Variants in TMEM141 observed in about 807,000 individuals in gnomAD.
TMEM141 encodes transmembrane protein 141.
Under a neutral mutation model 15.9 loss-of-function variants are expected in TMEM141, and 18 were observed. The ratio of observed to expected loss-of-function variants is 1.13; its 90% CI spans 0.78 to 1.68. TMEM141 has a LOEUF of 1.68. Ranked by LOEUF, TMEM141 falls within the 40% of genes most tolerant of loss-of-function variation. TMEM141 has a pLI of 0.00. For synonymous variants in TMEM141, 69 were observed against 54.0 expected, an observed-to-expected ratio of 1.28 and a Z score of -1.22; for missense variants, 161 against 139.5, an observed-to-expected ratio of 1.15 and a Z score of -0.78.
intron 3 of TMEM141, 99 bp downstream of exon 3, chr9:136,792,129 A>T: frequency 6.5e-7 from 1 of 1,542,110 alleles, no homozygotes; most frequent in Non-Finnish European, 8.8e-7. Context: ...ATGGAGCCCC[A>T]GGTCTCGGCG....
rs1273851090 is a variant in TMEM141, at chr9:136,791,710, G to C, written c.55-1G>C. 3.1e-6 allele frequency: 5 copies of C among 1,613,072 alleles called. No homozygotes were observed. The highest frequency in any genetic ancestry group is 1.7e-4 in the Middle Eastern group (1 of 6,058). ...GCCTTCACCCGCCTCTGCCACCCCA[G>C]GGACTCGGGGAGTATGCCGCATGCC... On this transcript the variant is annotated splice_acceptor_variant, in intron 1 of 4. Coordinates refer to ENST00000290079, the MANE Select transcript of TMEM141 (RefSeq NM_032928.4). LOFTEE classifies it high-confidence loss of function.
At chr9:136,791,801 C>A (rs1564344950) in intron 2 of TMEM141, 24 bp downstream of exon 2, 1 of 1,611,076 alleles carries the variant, frequency 6.2e-7, no homozygotes, top group Non-Finnish European at 8.5e-7. Flanking sequence ...AGGTGTCCTG[C>A]GGCTGGGAGA....
chr9:136,791,803 G>T, intron 2 of TMEM141, 26 bp downstream of exon 2: 1 of 1,611,222 alleles, frequency 6.2e-7, no homozygotes, highest in Non-Finnish European at 8.5e-7. Context: ...GTGTCCTGCG[G>T]CTGGGAGAGA....
chr9:136,792,310 C>T lies in TMEM141; in HGVS notation c.265C>T (p.Leu89Phe). Reference sequence around the variant, plus strand: ...AGTGGAGTCGGAGAAATGCAACAACCTCTGGCTCTTCCTGGAGACCGGGCA... The same window carrying T: ...AGTGGAGTCGGAGAAATGCAACAACTTCTGGCTCTTCCTGGAGACCGGGCA... ...TRVESEKCNN[L>F]WLFLETGQLP... The change falls in exon 4 of 5, where the codon CTC becomes TTC. Residue 89 changes from leucine (L) to phenylalanine (F), a missense_variant. Leu to Phe is a conservative substitution (Grantham distance 22). Coordinates refer to ENST00000290079, the MANE Select transcript of TMEM141 (RefSeq NM_032928.4). The T allele has an allele frequency of 1.3e-6, 2 of 1,589,966 alleles. No individual in the cohort carries two copies. Among genetic ancestry groups the T allele is most frequent in the African/African-American group, 1.3e-5 (1 of 74,530 alleles).
chr9:136,791,913 G>A, intron 2 of TMEM141, 34 bp from the exon 3 acceptor site: 1 of 1,613,906 alleles, frequency 6.2e-7, no homozygotes, highest in Middle Eastern at 1.7e-4. Context: ...GCTATCCCCG[G>A]GTACAGGTTG....
chr9:136,791,347 C>T lies in TMEM141; in HGVS notation c.-24C>T. The T allele has an allele frequency of 6.4e-7, 1 of 1,552,598 alleles. No individual in the cohort carries two copies. Among genetic ancestry groups the T allele is most frequent in the Non-Finnish European group, 8.7e-7 (1 of 1,148,382 alleles). ...GCCCTTCCGCCTGCGCCTGCGCAGG[C>T]CCGCTCCCCGAGCCCTGCCAACCAT... On this transcript the variant is annotated 5_prime_UTR_variant, in exon 1 of 5. Transcript: ENST00000290079.
In TMEM141 at chr9:136,791,349, C is replaced by T. The variant is rs533591493; in HGVS notation, c.-22C>T. On this transcript the variant is annotated 5_prime_UTR_variant, in exon 1 of 5. Transcript: ENST00000290079. The stretch of plus-strand genomic sequence containing the variant: ...CCTTCCGCCTGCGCCTGCGCAGGCC[C>T]GCTCCCCGAGCCCTGCCAACCATGG... 1.9e-6 allele frequency: 3 copies of T among 1,553,458 alleles called. No individual in the cohort carries two copies. The highest frequency in any genetic ancestry group is 2.6e-6 in the Non-Finnish European group (3 of 1,148,812).
intron 1 of TMEM141, 61 bp downstream of exon 1, chr9:136,791,485 G>C: frequency 1.3e-6 from 2 of 1,548,540 alleles, no homozygotes; most frequent in Non-Finnish European, 1.7e-6. Context: ...AGCGAGGCGG[G>C]GGGCCGGGGC....
chr9:136,793,017 C>A lies in TMEM141; in HGVS notation c.*185C>A. On this transcript the variant is annotated 3_prime_UTR_variant, in exon 5 of 5. Transcript: ENST00000290079. The stretch of plus-strand genomic sequence containing the variant: ...GCTGCTGCCCCAACCTGGGACCTGC[C>A]CAGGAGGTTGGAGCAGAAAGGGCTC... 1 of 755,258 alleles carries A rather than the reference C, an allele frequency of 1.3e-6. No homozygotes were observed. Among genetic ancestry groups the A allele is most frequent in the Non-Finnish European group, 1.8e-6 (1 of 566,128 alleles). The allele number at this position is 755,258 out of a possible 1,614,324, so 46.8% of individuals were successfully genotyped here.
chr9:136,791,658 C>T (rs1451375672), intron 1 of TMEM141, 53 bp from the exon 2 acceptor site: 2 of 1,600,126 alleles, frequency 1.2e-6, no homozygotes, highest in Non-Finnish European at 1.7e-6. Flanking sequence ...ACAGGAGAGG[C>T]GGTGAAGGAA....
Position 136,791,356 on chromosome 9 carries a change from CG to C in TMEM141, c.-14del, listed in dbSNP as rs1214232356. 3 of 1,555,468 alleles carry C rather than the reference CG, an allele frequency of 1.9e-6. No homozygotes were observed. The highest frequency in any genetic ancestry group is 2.6e-6 in the Non-Finnish European group (3 of 1,149,892). On this transcript the variant is annotated 5_prime_UTR_variant, in exon 1 of 5. Coordinates refer to ENST00000290079, the MANE Select transcript of TMEM141 (RefSeq NM_032928.4). ...CCTGCGCCTGCGCAGGCCCGCTCCC[CG>C]AGCCCTGCCAACCATGGTGAACTTG...
At chr9:136,792,450 G>T in intron 4 of TMEM141, 92 bp downstream of exon 4, 1 of 1,057,274 alleles carries the variant, frequency 9.5e-7, no homozygotes, top group Non-Finnish European at 1.4e-6. Context: ...CATGCGATAG[G>T]CTAGACAAGG....
At position 136,791,407 on chromosome 9, in the gene TMEM141, G is replaced by T; in HGVS notation, c.37G>T (p.Val13Leu). The change falls in exon 1 of 5, where the codon GTG becomes TTG. Residue 13 changes from valine to leucine, a missense_variant. Physicochemically the swap from Val to Leu is conservative, Grantham distance 32. Transcript: ENST00000290079. ...GGGTCTGTCCCGGGTGGACGACGCC[G>T]TGGCTGCCAAGCACCCGGTGAGAAG... is the stretch of plus-strand genomic sequence containing the variant. ...NLGLSRVDDAVAAKHPGLGEY... is the reference protein window; with the variant it reads ...NLGLSRVDDALAAKHPGLGEY... 6.4e-7 allele frequency: 1 copy of T among 1,559,638 alleles called. No individual in the cohort carries two copies. The highest frequency in any genetic ancestry group is 1.4e-5 in the African/African-American group (1 of 73,562).
At position 136,792,957 on chromosome 9, in the gene TMEM141, C is replaced by A; in HGVS notation, c.*125C>A. The A allele has an allele frequency of 3.2e-6, 4 of 1,267,580 alleles. No homozygotes were observed. Among genetic ancestry groups the A allele is most frequent in the Non-Finnish European group, 4.0e-6 (4 of 991,376 alleles). The allele number at this position is 1,267,580 out of a possible 1,614,324, so 78.5% of individuals were successfully genotyped here. ...GTACCCCAGTCGTATCCTCTGTCCG[C>A]ATGTGTGGCCAGGCCTGACAAACAC... On this transcript the variant is annotated 3_prime_UTR_variant, in exon 5 of 5. Transcript: ENST00000290079.
chr9:136,792,456 C>T, intron 4 of TMEM141, 98 bp downstream of exon 4: 3 of 1,006,258 alleles, frequency 3.0e-6, no homozygotes, highest in Non-Finnish European at 4.5e-6. Flanking sequence ...ATAGGCTAGA[C>T]AAGGTCCCTC....
Position 136,791,752 on chromosome 9 carries a change from G to A in TMEM141, c.96G>A (p.Met32Ile). 6.2e-7 allele frequency: 1 copy of A among 1,613,612 alleles called. No individual in the cohort carries two copies. The highest frequency in any genetic ancestry group is 8.5e-7 in the Non-Finnish European group (1 of 1,179,932). Residue 32 changes from methionine to isoleucine, a missense_variant, in exon 2 of 5, where the codon ATG becomes ATA. Physicochemically the swap from Met to Ile is conservative, Grantham distance 10. Transcript: ENST00000290079. ...EYAACQSHAF[M>I]KGVFTFVTGT... is the part of the protein sequence containing the mutation. ...CCGCATGCCAGTCACACGCCTTCAT[G>A]AAGGGCGTTTTCACCTTCGTCACAG...
rs1051378070 is a variant in TMEM141, at chr9:136,791,531, C to T, written c.54+107C>T. On this transcript the variant is annotated intron_variant, in intron 1 of 4. Transcript: ENST00000290079. ...CCTCGTCAGGGAAGAGTGGCGGAGG[C>T]TGGGGGCACTCTCTTGCTAAGGGGC... 3 of 1,545,304 alleles carry T rather than the reference C, an allele frequency of 1.9e-6. No homozygotes were observed. In the African/African-American group the frequency reaches 4.1e-5, roughly 21 times the overall value.
chr9:136,792,534 A>G (rs11788142), intron 4 of TMEM141, among the ~76,000 whole-genome samples, 176 bp downstream of exon 4: 1 of 152,190 alleles, frequency 6.6e-6, no homozygotes, highest in African/African-American at 2.4e-5. Context: ...CGCAGTAGAC[A>G]GATCTTGGAG....
intron 1 of TMEM141, 128 bp downstream of exon 1, chr9:136,791,552 G>A (rs1847589975): frequency 6.4e-7 from 1 of 1,558,248 alleles, no homozygotes; most frequent in Non-Finnish European, 8.7e-7. Flanking sequence ...CTCTTGCTAA[G>A]GGGCTCAGGG....
Sources: gnomAD v4.1 joint callset for allele counts (sites outside exome capture counted in the v4.1 genomes callset) on GRCh38, gnomAD v4.1.1 for gene constraint, MANE v1.5 for transcripts, NCBI Gene and HGNC (gene_info 2026-07-23, HGNC 2026-07-21) for gene names.